NRG3: variants seen among roughly 807,000 people sequenced by gnomAD.
NRG3 encodes the protein neuregulin 3, also known as pro-neuregulin-3, membrane-bound isoform.
NRG3 carries 31 observed loss-of-function variants against 66.9 expected under a neutral mutation model. The observed-to-expected ratio is 0.46, with a 90% CI of 0.35 to 0.63. NRG3 has a LOEUF of 0.63. Among genes scored for constraint, NRG3 ranks in the 20% least tolerant of loss-of-function variants. The pLI is 0.00. For synonymous variants in NRG3, 393 were observed against 359.4 expected (o/e 1.09, Z -1.06); for missense variants, 910 against 878.9 (o/e 1.04, Z -0.45).
At chr10:82,076,984 G>C (rs2133374567) in intron 1 of NRG3, among the ~76,000 whole-genome samples, 1 of 152,310 alleles carries the variant, frequency 6.6e-6, no homozygotes, top group African/African-American at 2.4e-5. Context: ...TTACTGGGTA[G>C]ATAAATCCCC....
rs185233233 is a variant in NRG3, at chr10:82,098,475, G to A, written c.823+222312G>A. 2.3e-3 allele frequency among the ~76,000 whole-genome samples: 354 copies of A among 152,232 alleles called. 1 individual carries two copies. The highest frequency in any genetic ancestry group is 0.017 in the Middle Eastern group (5 of 294). ...CTGCTCCTTGAGCCCCCTTGGGGTG[G>A]TGTAGTGAGAATCACAGGTCTTTCT... On this transcript the variant is annotated intron_variant, in intron 1 of 8. Coordinates refer to ENST00000372141, the MANE Select transcript of NRG3 (RefSeq NM_001010848.4).
At chr10:82,314,581 G>GGTGGATC (rs2081197550) in intron 1 of NRG3, among the ~76,000 whole-genome samples, 1 of 152,166 alleles carries the variant, frequency 6.6e-6, no homozygotes, top group Non-Finnish European at 1.5e-5. Context: ...GGCCGAGGCA[G>GGTGGATC]GTGGATCACG....
intron 1 of NRG3, among the ~76,000 whole-genome samples, chr10:82,020,701 G>A (rs1462701458): frequency 1.3e-5 from 2 of 152,092 alleles, no homozygotes; most frequent in East Asian, 1.9e-4. Flanking sequence ...GGATCTTAAT[G>A]TACTGTGCAG....
At chr10:82,929,698 G>A (rs1847361614) in intron 4 of NRG3, among the ~76,000 whole-genome samples, 1 of 151,918 alleles carries the variant, frequency 6.6e-6, no homozygotes, top group Non-Finnish European at 1.5e-5. Context: ...AGCCAATGTG[G>A]TGAAACCCCA....
chr10:82,262,457 A>C (rs1486893323), intron 1 of NRG3, among the ~76,000 whole-genome samples: 1 of 152,138 alleles, frequency 6.6e-6, no homozygotes, highest in Non-Finnish European at 1.5e-5. Flanking sequence ...TTGTAAGTAC[A>C]CTCATTTTGT....
intron 1 of NRG3, among the ~76,000 whole-genome samples, chr10:81,879,710 G>T (rs1842008721): frequency 6.6e-6 from 1 of 152,150 alleles, no homozygotes; most frequent in Non-Finnish European, 1.5e-5. Context: ...ATTTAATCAT[G>T]TCTATTTCTA....
At chr10:82,197,942 ATAT>A (rs762857126) in intron 1 of NRG3, among the ~76,000 whole-genome samples, 4 of 152,168 alleles carry the variant, frequency 2.6e-5, no homozygotes, top group Non-Finnish European at 5.9e-5. Flanking sequence ...TCGACATCTT[ATAT>A]TATTATATAG....
At chr10:82,392,407 G>A (rs889540458) in intron 2 of NRG3, among the ~76,000 whole-genome samples, 5 of 152,054 alleles carry the variant, frequency 3.3e-5, no homozygotes, top group African/African-American at 1.2e-4. Context: ...ATGAAAGAAG[G>A]GTATGTAGGA....
Position 81,876,062 on chromosome 10 carries a change from C to G in NRG3, c.722C>G (p.Ser241Cys), listed in dbSNP as rs1208368214. The G allele has an allele frequency of 6.2e-7, 1 of 1,613,972 alleles. No individual in the cohort carries two copies. The highest frequency in any genetic ancestry group is 8.5e-7 in the Non-Finnish European group (1 of 1,180,032). ...TSSYLHDSTP[S>C]WTLSPFQDAA... ...TCCTACCTTCACGATTCTACTCCCT[C>G]CTGGACCCTGTCTCCCTTTCAGGAT... Residue 241 changes from serine (S) to cysteine (C), a missense_variant, in exon 1 of 9, where the codon TCC becomes TGC. Ser to Cys is a moderately radical substitution (Grantham distance 112). Transcript: ENST00000372141.
At chr10:82,660,717 C>A (rs2052289572) in intron 2 of NRG3, among the ~76,000 whole-genome samples, 1 of 152,078 alleles carries the variant, frequency 6.6e-6, no homozygotes, top group South Asian at 2.1e-4. Flanking sequence ...TTTTTTCTAA[C>A]TGTTTGAGTT....
intron 2 of NRG3, among the ~76,000 whole-genome samples, chr10:82,685,836 A>G (rs963280594): frequency 6.6e-6 from 1 of 152,160 alleles, no homozygotes; most frequent in African/African-American, 2.4e-5. Context: ...AAGCTGAGAT[A>G]TAACCATATA....
intron 1 of NRG3, among the ~76,000 whole-genome samples, chr10:82,066,452 G>A (rs12256466): frequency 0.03 from 4,530 of 152,084 alleles, 229 homozygotes; most frequent in African/African-American, 0.1. Context: ...TTACTGTTAC[G>A]TACTTTTCTG....
intron 1 of NRG3, among the ~76,000 whole-genome samples, chr10:82,150,528 C>CAAAAAAAAAAAAA (rs1264827514): frequency 5.8e-5 from 3 of 51,736 alleles, no homozygotes; most frequent in African/African-American, 8.6e-5. Flanking sequence ...AAAGAGCACA[C>CAAAAAAAAAAAAA]ACAAAAAAAA....
At chr10:81,939,675 A>G (rs537312053) in intron 1 of NRG3, among the ~76,000 whole-genome samples, 134 of 147,516 alleles carry the variant, frequency 9.1e-4, no homozygotes, top group African/African-American at 3.3e-3. Flanking sequence ...TAGTCTAGCT[A>G]AGGGTGTGTC....
At chr10:82,030,699 G>GA (rs397697434) in intron 1 of NRG3, among the ~76,000 whole-genome samples, 30,446 of 142,296 alleles carry the variant, frequency 0.21, 3,352 homozygotes, top group African/African-American at 0.26. Flanking sequence ...GTCTAATTTG[G>GA]AAAAAAAAAA....
chr10:82,200,136 G>A (rs1323089931), intron 1 of NRG3, among the ~76,000 whole-genome samples: 2 of 152,126 alleles, frequency 1.3e-5, no homozygotes, highest in Non-Finnish European at 2.9e-5. Context: ...AAATACAACA[G>A]TGAACAAAAC....
intron 2 of NRG3, among the ~76,000 whole-genome samples, chr10:82,515,999 G>A (rs1347854506): frequency 6.6e-6 from 1 of 152,166 alleles, no homozygotes; most frequent in African/African-American, 2.4e-5. Context: ...AACCCCAATA[G>A]TTGTTAAAAT....
chr10:82,333,515 A>G (rs1005883245), intron 1 of NRG3, among the ~76,000 whole-genome samples: 1 of 152,240 alleles, frequency 6.6e-6, no homozygotes, highest in African/African-American at 2.4e-5. Context: ...AGGGGCTTTC[A>G]AAACTCTGTA....
chr10:82,187,958 G>GA (rs56284964), intron 1 of NRG3, among the ~76,000 whole-genome samples: 8 of 148,454 alleles, frequency 5.4e-5, no homozygotes, highest in Admixed American at 6.7e-5. Flanking sequence ...CACAGAAATA[G>GA]AAAAAAAAAA....
Sources: gnomAD v4.1 joint callset for allele counts (sites outside exome capture counted in the v4.1 genomes callset) on GRCh38, gnomAD v4.1.1 for gene constraint, MANE v1.5 for transcripts, NCBI Gene and HGNC (gene_info 2026-07-23, HGNC 2026-07-21) for gene names.